The following DZIP3 variants were observed in gnomAD, a reference collection of about 807,000 sequenced individuals.
DZIP3 encodes E3 ubiquitin-protein ligase DZIP3.
In DZIP3, 118 loss-of-function variants were observed where a neutral mutation model predicts 162.0. That is an observed-to-expected ratio of 0.73 (90% CI 0.63 to 0.85). The LOEUF is 0.85. DZIP3 is among the 40% of genes least tolerant of loss of function. The pLI, the probability that DZIP3 is intolerant of heterozygous loss-of-function variation, is 0.00. For synonymous variants in DZIP3, 438 were observed against 458.6 expected (o/e 0.96, Z 0.57); for missense variants, 1,331 against 1,407.0 (o/e 0.95, Z 0.86).
At chr3:108,598,930 CTT>C (rs1033622408) in intron 1 of DZIP3, among the ~76,000 whole-genome samples, 1 of 152,162 alleles carries the variant, frequency 6.6e-6, no homozygotes, top group Non-Finnish European at 1.5e-5. Flanking sequence ...TAAATCCTAA[CTT>C]GTGCATATTC....
At chr3:108,684,016 A>G (rs1051876203) in intron 26 of DZIP3, among the ~76,000 whole-genome samples, 200 bp from the exon 27 acceptor site, 1 of 151,684 alleles carries the variant, frequency 6.6e-6, no homozygotes, top group Admixed American at 6.6e-5. Flanking sequence ...TGTTTTCAAT[A>G]TATCTCATTG....
At chr3:108,616,726 A>G in intron 5 of DZIP3, 69 bp downstream of exon 5, 2 of 1,085,116 alleles carry the variant, frequency 1.8e-6, no homozygotes, top group Non-Finnish European at 2.7e-6. Flanking sequence ...GAAAACAGCC[A>G]ATGCATGCTT....
chr3:108,631,045 A>ACTCTCTCTCTCTCT (rs1273420432), intron 8 of DZIP3, among the ~76,000 whole-genome samples: 1 of 81,916 alleles, frequency 1.2e-5, no homozygotes, highest in Admixed American at 1.4e-4. Flanking sequence ...ACACACACAC[A>ACTCTCTCTCTCTCT]CACACACACA....
At chr3:108,678,092 G>A (rs1205866427) in intron 26 of DZIP3, among the ~76,000 whole-genome samples, 1 of 151,844 alleles carries the variant, frequency 6.6e-6, no homozygotes, top group African/African-American at 2.4e-5. Flanking sequence ...ATTCTCACAG[G>A]AGTGTGAACC....
chr3:108,597,527 C>A (rs140022542), intron 1 of DZIP3, among the ~76,000 whole-genome samples: 117 of 152,064 alleles, frequency 7.7e-4, no homozygotes, highest in African/African-American at 2.7e-3. Flanking sequence ...ATTACTATTT[C>A]TTGAAGACCT....
intron 17 of DZIP3, among the ~76,000 whole-genome samples, chr3:108,650,249 A>G (rs1335344534): frequency 6.6e-6 from 1 of 151,858 alleles, no homozygotes; most frequent in East Asian, 1.9e-4. Flanking sequence ...ATTATGCTAG[A>G]TGTGTTTATT....
chr3:108,633,758 A>ATC lies in DZIP3; in HGVS notation c.816+698_816+699dup, dbSNP rs1269307848. The stretch of plus-strand genomic sequence containing the variant: ...GGATCTATCAGAGTACTTCTGATAG[A>ATC]TCTCTCTCTCTCTGGATCTATCAGA... On this transcript the variant is annotated intron_variant, in intron 9 of 32. Coordinates refer to ENST00000361582, the MANE Select transcript of DZIP3 (RefSeq NM_014648.4). Among the ~76,000 whole-genome samples the ATC allele has an allele frequency of 6.6e-5, 5 of 76,290 alleles. 1 individual carries two copies. The East Asian group carries it at 2.0e-3, about 31-fold the overall frequency. The allele number at this position is 76,290 out of a possible 152,430, so 50.0% of individuals were successfully genotyped here. A position where few individuals can be genotyped will look rare whatever the true frequency, so the allele number is the denominator to read the frequency against.
intron 21 of DZIP3, among the ~76,000 whole-genome samples, chr3:108,666,752 C>T (rs1449061416): frequency 6.6e-6 from 1 of 152,052 alleles, no homozygotes; most frequent in Non-Finnish European, 1.5e-5. Flanking sequence ...ACCAAGAAAC[C>T]TCCAAAGGCC....
rs997910938 is a variant in DZIP3, at chr3:108,611,320, A to G, written c.249A>G (p.Gln83=). Residue 83 remains glutamine, a synonymous_variant, in exon 4 of 33, where the codon CAA becomes CAG. Coordinates refer to ENST00000361582, the MANE Select transcript of DZIP3 (RefSeq NM_014648.4). ...TCTTACAAGAAGATTTTTCCTTCCA[A>G]ACTATGCAGGTAACGTCATAAGTTG... ...KKFLQEDFSF[Q]TMQREVAANS... 1 of 1,612,292 alleles carries G rather than the reference A, an allele frequency of 6.2e-7. No individual in the cohort carries two copies. The highest frequency in any genetic ancestry group is 1.3e-5 in the African/African-American group (1 of 74,954).
At chr3:108,660,562 C>G (rs1943372747) in intron 19 of DZIP3, among the ~76,000 whole-genome samples, 1 of 152,016 alleles carries the variant, frequency 6.6e-6, no homozygotes, top group South Asian at 2.1e-4. Context: ...CAATACCATT[C>G]AGGACATAGG....
intron 1 of DZIP3, among the ~76,000 whole-genome samples, chr3:108,597,647 C>T (rs893868846): frequency 6.6e-6 from 1 of 152,026 alleles, no homozygotes; most frequent in Non-Finnish European, 1.5e-5. Flanking sequence ...ATATCTATTT[C>T]CTGAATTAAA....
intron 14 of DZIP3, among the ~76,000 whole-genome samples, chr3:108,646,239 G>A (rs1942617214): frequency 6.6e-6 from 1 of 152,162 alleles, no homozygotes; most frequent in Non-Finnish European, 1.5e-5. Context: ...AGCAAGTGAT[G>A]ATCAGATAAA....
At chr3:108,647,613 C>CATT (rs1942688400) in intron 15 of DZIP3, among the ~76,000 whole-genome samples, 1 of 152,024 alleles carries the variant, frequency 6.6e-6, no homozygotes. Context: ...ATACTAGTTG[C>CATT]ATTATTAATA....
At chr3:108,662,051 A>G (rs1271897087) in intron 20 of DZIP3, 79 bp downstream of exon 20, 4 of 1,574,180 alleles carry the variant, frequency 2.5e-6, no homozygotes, top group Non-Finnish European at 3.4e-6. Context: ...TCTGTTTGAA[A>G]AGAACTTAGT....
chr3:108,643,031 T>G (rs1462357605), intron 13 of DZIP3, among the ~76,000 whole-genome samples: 1 of 152,190 alleles, frequency 6.6e-6, no homozygotes, highest in African/African-American at 2.4e-5. Flanking sequence ...TCCAGCCAAC[T>G]TTTTATTTGG....
intron 19 of DZIP3, among the ~76,000 whole-genome samples, chr3:108,654,681 A>T (rs567342413): frequency 6.6e-6 from 1 of 152,128 alleles, no homozygotes; most frequent in African/African-American, 2.4e-5. Flanking sequence ...AGCTGCTTTC[A>T]TTTTTAAAAA....
chr3:108,615,904 A>G (rs1475943934), intron 4 of DZIP3, among the ~76,000 whole-genome samples: 2 of 152,132 alleles, frequency 1.3e-5, no homozygotes. Flanking sequence ...TGGGATTACC[A>G]TTTTCCTCTG....
intron 19 of DZIP3, among the ~76,000 whole-genome samples, chr3:108,658,554 G>C (rs1441502836): frequency 6.6e-6 from 1 of 151,868 alleles, no homozygotes; most frequent in Non-Finnish European, 1.5e-5. Context: ...ATCTAAAATT[G>C]ACACCCTAAC....
At chr3:108,593,839 AT>A (rs922090615) in intron 1 of DZIP3, among the ~76,000 whole-genome samples, 3 of 151,346 alleles carry the variant, frequency 2.0e-5, no homozygotes, top group Non-Finnish European at 2.9e-5. Context: ...TAATTTTTCT[AT>A]TTTTTGTAGA....
Sources: allele counts gnomAD v4.1 joint callset (sites outside exome capture counted in the v4.1 genomes callset), GRCh38; gene constraint gnomAD v4.1.1; transcripts MANE v1.5; gene names NCBI Gene and HGNC (gene_info 2026-07-23, HGNC 2026-07-21).